The following RUNX1T1 variants were observed in gnomAD, a reference collection of about 807,000 sequenced individuals.
RUNX1T1 encodes the protein protein CBFA2T1.
A neutral mutation model predicts 62.8 loss-of-function variants in RUNX1T1; 4 were observed. The observed-to-expected ratio is 0.06, with a 90% CI of 0.03 to 0.15. The LOEUF is 0.15. Ranked by LOEUF, RUNX1T1 falls within the 10% of genes least tolerant of loss-of-function variation. The pLI is 1.00. For missense variants in RUNX1T1, 508 were observed against 754.3 expected (o/e 0.67, Z 3.82); for synonymous variants, 291 against 286.0 (o/e 1.02, Z -0.18).
chr8:91,955,600 A>C, downstream of RUNX1T1: 1 of 226,296 alleles, frequency 4.4e-6, no homozygotes, highest in Non-Finnish European at 8.8e-6. Flanking sequence ...TGGCACAAGA[A>C]GGAAACTAGA....
chr8:92,007,905 C>T (rs1380171634), intron 4 of RUNX1T1, among the ~76,000 whole-genome samples: 2 of 148,258 alleles, frequency 1.3e-5, no homozygotes, highest in Non-Finnish European at 3.0e-5. Context: ...GAGGTCGAGG[C>T]TCCAATGAGC....
intron 1 of RUNX1T1, among the ~76,000 whole-genome samples, chr8:92,036,357 T>C (rs898050342): frequency 3.9e-5 from 6 of 152,256 alleles, no homozygotes; most frequent in African/African-American, 1.4e-4. Flanking sequence ...TCTAAGTTCA[T>C]TGTGTTATTA....
At chr8:92,087,599 T>G (rs142740494) in intron 1 of RUNX1T1, among the ~76,000 whole-genome samples, 1 of 152,264 alleles carries the variant, frequency 6.6e-6, no homozygotes, top group Non-Finnish European at 1.5e-5. Context: ...AGCTATTTAA[T>G]TTGTCCTGAG....
intron 1 of RUNX1T1, among the ~76,000 whole-genome samples, chr8:92,020,483 T>C (rs1587055711): frequency 6.6e-6 from 1 of 152,086 alleles, no homozygotes; most frequent in East Asian, 1.9e-4. Flanking sequence ...CATTTTTTAG[T>C]TGCAATAGGG....
At position 92,016,120 on chromosome 8, in the gene RUNX1T1, G is replaced by A. The variant is rs192073197; in HGVS notation, c.145+1106C>T. 1.1e-3 allele frequency among the ~76,000 whole-genome samples: 172 copies of A among 152,254 alleles called. 1 individual carries two copies. Among genetic ancestry groups the A allele is most frequent in the Non-Finnish European group, 8.1e-4 (55 of 68,024 alleles). On this transcript the variant is annotated intron_variant, in intron 2 of 10. Coordinates refer to ENST00000396218, the Ensembl canonical transcript of RUNX1T1. ...ATATGGATTTCATGGCACATGGTGT[G>A]CAAAATAGCTGCAACCGATAACATT...
chr8:92,078,685 A>C (rs184922249), intron 1 of RUNX1T1, among the ~76,000 whole-genome samples: 17 of 152,354 alleles, frequency 1.1e-4, no homozygotes, highest in Non-Finnish European at 1.8e-4. Context: ...TCCGTGCAGT[A>C]GTTCAAGCTG....
intron 8 of RUNX1T1, among the ~76,000 whole-genome samples, chr8:91,980,440 C>T (rs912938566): frequency 1.3e-5 from 2 of 152,090 alleles, no homozygotes; most frequent in African/African-American, 4.8e-5. Flanking sequence ...TTTTCCATAG[C>T]CTTGTATTAT....
chr8:92,004,750 G>T (rs563669026), intron 5 of RUNX1T1: 1 of 172,106 alleles, frequency 5.8e-6, no homozygotes, highest in Non-Finnish European at 1.2e-5. Context: ...GCCAATTTCA[G>T]AATATTGAAG....
At chr8:92,043,421 C>G (rs1457814813) in intron 1 of RUNX1T1, among the ~76,000 whole-genome samples, 5 of 151,704 alleles carry the variant, frequency 3.3e-5, no homozygotes, top group African/African-American at 1.2e-4. Flanking sequence ...AAAAAACTAA[C>G]TAGTTCTAGC....
downstream of RUNX1T1, chr8:91,956,246 T>C: frequency 4.3e-6 from 1 of 231,794 alleles, no homozygotes. Context: ...TGGAAGGTAG[T>C]AATTCTCCTC....
At chr8:91,987,011 C>T (rs1563679811) in intron 6 of RUNX1T1, 39 bp from the exon 8 acceptor site, 4 of 1,285,996 alleles carry the variant, frequency 3.1e-6, no homozygotes, top group African/African-American at 1.5e-5. Context: ...CTAAAGCATT[C>T]AGTACACAAC....
intron 5 of RUNX1T1, among the ~76,000 whole-genome samples, chr8:92,004,068 T>C (rs1191527596): frequency 6.6e-6 from 1 of 152,200 alleles, no homozygotes; most frequent in Non-Finnish European, 1.5e-5. Context: ...ACATTCTGAT[T>C]TGCAAAGCAG....
intron 2 of RUNX1T1, among the ~76,000 whole-genome samples, chr8:92,071,767 AG>A (rs1364650417): frequency 6.6e-6 from 1 of 152,180 alleles, no homozygotes; most frequent in African/African-American, 2.4e-5. Flanking sequence ...TAATTAAACA[AG>A]GAAGCAGGGC....
intron 5 of RUNX1T1, among the ~76,000 whole-genome samples, chr8:92,003,876 A>T (rs530110085): frequency 6.6e-6 from 1 of 152,370 alleles, no homozygotes; most frequent in South Asian, 2.1e-4. Flanking sequence ...TTTGTAGGTC[A>T]TATATGAAGG....
intron 10 of RUNX1T1, among the ~76,000 whole-genome samples, chr8:91,968,963 C>T (rs1410188606): frequency 6.6e-6 from 1 of 152,052 alleles, no homozygotes; most frequent in Non-Finnish European, 1.5e-5. Context: ...AAGTTTGACC[C>T]TCTGAATTCC....
intron 9 of RUNX1T1, among the ~76,000 whole-genome samples, chr8:91,972,620 G>A (rs58536193): frequency 0.047 from 7,078 of 152,004 alleles, 505 homozygotes; most frequent in East Asian, 0.36. Context: ...GAATATTCAA[G>A]GTGAATTAAA....
intron 1 of RUNX1T1, among the ~76,000 whole-genome samples, chr8:92,051,624 ACTCTCT>A (rs58500025): frequency 0.044 from 4,927 of 113,112 alleles, 286 homozygotes; most frequent in African/African-American, 0.16. Flanking sequence ...TCTCTCTCTC[ACTCTCT>A]CTCTCTCTCT....
intron 5 of RUNX1T1, among the ~76,000 whole-genome samples, chr8:91,992,164 A>G (rs1817807038): frequency 6.6e-6 from 1 of 152,188 alleles, no homozygotes; most frequent in Non-Finnish European, 1.5e-5. Flanking sequence ...CACAAACAAG[A>G]GGAAACTCAA....
intron 6 of RUNX1T1, among the ~76,000 whole-genome samples, chr8:91,990,001 A>C (rs959070634): frequency 2.6e-5 from 4 of 152,118 alleles, no homozygotes; most frequent in Non-Finnish European, 4.4e-5. Context: ...CTTACAACCA[A>C]AGCCTCAATC....
Sources: gnomAD v4.1 joint callset for allele counts (sites outside exome capture counted in the v4.1 genomes callset) on GRCh38, gnomAD v4.1.1 for gene constraint, MANE v1.5 for transcripts, NCBI Gene and HGNC (gene_info 2026-07-23, HGNC 2026-07-21) for gene names.